Variants in SNX9 observed in about 807,000 individuals in gnomAD.
The protein encoded by SNX9 is sorting nexin 9, also known as sorting nexin-9.
A neutral mutation model predicts 89.4 loss-of-function variants in SNX9; 44 were observed. The ratio of observed to expected loss-of-function variants is 0.49; its 90% CI spans 0.39 to 0.63. SNX9 has a LOEUF of 0.63. Among genes scored for constraint, SNX9 ranks in the 30% least tolerant of loss-of-function variants. The pLI is 0.00. For missense variants in SNX9, 578 were observed against 736.1 expected (o/e 0.79, Z 2.49); for synonymous variants, 236 against 247.8 (o/e 0.95, Z 0.45).
intron 1 of SNX9, among the ~76,000 whole-genome samples, chr6:157,855,472 T>G (rs925251368): frequency 2.6e-5 from 4 of 152,244 alleles, no homozygotes; most frequent in Non-Finnish European, 5.9e-5. Context: ...TTGCCTCTTC[T>G]GTTAGCGCGA....
At chr6:157,894,465 TAA>T (rs1173887333) in intron 4 of SNX9, among the ~76,000 whole-genome samples, 16 of 100,688 alleles carry the variant, frequency 1.6e-4, no homozygotes, top group Admixed American at 3.3e-4. Flanking sequence ...ATTTAAATGT[TAA>T]AAAAAAAAAA....
At chr6:157,904,540 G>A (rs1244942692) in intron 6 of SNX9, among the ~76,000 whole-genome samples, 1 of 151,968 alleles carries the variant, frequency 6.6e-6, no homozygotes, top group Non-Finnish European at 1.5e-5. Context: ...ATGCTTACAA[G>A]CTGGTCAAGG....
intron 6 of SNX9, among the ~76,000 whole-genome samples, chr6:157,904,135 A>G (rs557938124): frequency 1.1e-4 from 16 of 152,140 alleles, no homozygotes; most frequent in Non-Finnish European, 2.1e-4. Context: ...ATACTTGAGC[A>G]CTATAAGAAT....
At chr6:157,892,884 C>T (rs9458784) in intron 4 of SNX9, 27,632 of 152,054 alleles carry the variant, frequency 0.18, 2,746 homozygotes, top group African/African-American at 0.25. Flanking sequence ...AACTCTAGCC[C>T]GAGGTTACAC....
rs376566757 is a variant in SNX9 at position 157,901,784 on chromosome 6, C to CA, written c.473-105dup. 874 of 1,226,076 alleles carry CA rather than the reference C, an allele frequency of 7.1e-4. 1 individual carries two copies. The highest frequency in any genetic ancestry group is 7.5e-4 in the Non-Finnish European group (679 of 901,226). 75.9% of individuals were successfully genotyped at this position (1,226,076 alleles called of 1,614,324 possible). A position where few individuals can be genotyped will look rare whatever the true frequency, so the allele number is the denominator to read the frequency against. On this transcript the variant is annotated intron_variant, in intron 5 of 17. Transcript: ENST00000392185. ...TCCTATACTATACCCTTTTCTCCAT[C>CA]AAAAAAAAATTGATTTGCCCAGTAG...
chr6:157,833,064 C>G (rs1387492066), intron 1 of SNX9, among the ~76,000 whole-genome samples: 2 of 152,140 alleles, frequency 1.3e-5, no homozygotes, highest in Non-Finnish European at 2.9e-5. Context: ...CTCCCTAGGA[C>G]AGTTGACATT....
chr6:157,893,945 A>G (rs1466963983), intron 4 of SNX9, among the ~76,000 whole-genome samples: 1 of 152,086 alleles, frequency 6.6e-6, no homozygotes, highest in Non-Finnish European at 1.5e-5. Context: ...AAGAAACAAG[A>G]GAGTCCAGCT....
chr6:157,910,343 G>T (rs1011442583), intron 9 of SNX9, among the ~76,000 whole-genome samples: 2 of 152,138 alleles, frequency 1.3e-5, no homozygotes, highest in African/African-American at 4.8e-5. Context: ...TGTGAAAAAT[G>T]ACACCTGAAA....
Position 157,909,750 on chromosome 6 carries a change from A to G in SNX9, c.791A>G (p.Tyr264Cys), listed in dbSNP as rs1783297832. 3 of 1,614,164 alleles carry G rather than the reference A, an allele frequency of 1.9e-6. No individual in the cohort carries two copies. The highest frequency in any genetic ancestry group is 2.5e-6 in the Non-Finnish European group (3 of 1,180,020). Residue 264 changes from tyrosine to cysteine, a missense_variant, in exon 8 of 18, where the codon TAT becomes TGT. Around this residue, in one of 2 missense-constraint regions of SNX9, gnomAD observed 348 missense variants for 491.4 expected, o/e 0.71. Coordinates refer to ENST00000392185, the MANE Select transcript of SNX9 (RefSeq NM_016224.5). ...GATCCCAGGAAAGGCTCCAAAATGT[A>G]TGGTCTAAAGAGCTACATCGAATAT... ...VADPRKGSKMYGLKSYIEYQL... is the reference protein window; with the variant it reads ...VADPRKGSKMCGLKSYIEYQL...
chr6:157,882,891 G>A (rs1048428417), intron 4 of SNX9, among the ~76,000 whole-genome samples: 9 of 152,196 alleles, frequency 5.9e-5, no homozygotes, highest in South Asian at 2.1e-4. Flanking sequence ...CATAAACTTA[G>A]TAGATAAAAT....
intron 12 of SNX9, among the ~76,000 whole-genome samples, chr6:157,930,037 C>G (rs1250500932): frequency 6.6e-6 from 1 of 152,082 alleles, no homozygotes; most frequent in Non-Finnish European, 1.5e-5. Context: ...TGAGTAGTTT[C>G]AACAGAAACT....
chr6:157,890,862 C>T (rs1484765221), intron 4 of SNX9, among the ~76,000 whole-genome samples: 1 of 152,062 alleles, frequency 6.6e-6, no homozygotes, highest in Non-Finnish European at 1.5e-5. Context: ...ATCATATACC[C>T]ACCTTCTAGA....
chr6:157,843,082 G>A (rs1368389926), intron 1 of SNX9, among the ~76,000 whole-genome samples: 1 of 152,174 alleles, frequency 6.6e-6, no homozygotes, highest in East Asian at 1.9e-4. Context: ...TTCTTTCAGT[G>A]TCATAATTTC....
At chr6:157,908,515 T>A (rs996073639) in intron 7 of SNX9, among the ~76,000 whole-genome samples, 1 of 152,236 alleles carries the variant, frequency 6.6e-6, no homozygotes, top group Non-Finnish European at 1.5e-5. Context: ...CTAGAATCTG[T>A]CATTGTGATC....
intron 12 of SNX9, among the ~76,000 whole-genome samples, chr6:157,928,923 C>T (rs915285219): frequency 1.3e-5 from 2 of 152,110 alleles, no homozygotes; most frequent in Admixed American, 6.5e-5. Flanking sequence ...GGGAACACCA[C>T]GTTCACTTAA....
intron 11 of SNX9, among the ~76,000 whole-genome samples, chr6:157,927,587 CT>C (rs1437896520): frequency 6.6e-6 from 1 of 151,936 alleles, no homozygotes; most frequent in African/African-American, 2.4e-5. Flanking sequence ...CCTGCTTTTT[CT>C]GTATGCTTTT....
Position 157,896,807 on chromosome 6 carries a change from C to T in SNX9, c.301-20C>T, listed in dbSNP as rs1366547033. ...TCCAAAAGTCACAAAAATTCTCCTT[C>T]TTTTTACCCCTCTCAATAGGTTGGC... On this transcript the variant is annotated intron_variant, in intron 4 of 17. Coordinates refer to ENST00000392185, the MANE Select transcript of SNX9 (RefSeq NM_016224.5). 6.2e-7 allele frequency: 1 copy of T among 1,611,612 alleles called. No homozygotes were observed. The highest frequency in any genetic ancestry group is 8.5e-7 in the Non-Finnish European group (1 of 1,179,486).
At chr6:157,941,240 C>T (rs1403508777) in intron 17 of SNX9, among the ~76,000 whole-genome samples, 3 of 152,134 alleles carry the variant, frequency 2.0e-5, no homozygotes, top group Non-Finnish European at 2.9e-5. Flanking sequence ...TATTGTGCAG[C>T]TCCTTCCCCC....
chr6:157,855,453 A>G (rs763763493), intron 1 of SNX9, among the ~76,000 whole-genome samples: 35 of 152,186 alleles, frequency 2.3e-4, no homozygotes, highest in Non-Finnish European at 2.8e-4. Context: ...CCTGATAGGC[A>G]TTACCAAATT....
Sources: gnomAD v4.1 joint callset for allele counts (sites outside exome capture counted in the v4.1 genomes callset) on GRCh38, gnomAD v4.1.1 for gene constraint, gnomAD v4.1.1 regional missense constraint, MANE v1.5 for transcripts, NCBI Gene and HGNC (gene_info 2026-07-23, HGNC 2026-07-21) for gene names.